Variants in RAD51C observed in about 807,000 individuals in gnomAD.
RAD51C encodes DNA repair protein RAD51 homolog 3.
A neutral mutation model predicts 45.0 loss-of-function variants in RAD51C; 42 were observed. The observed-to-expected ratio is 0.93, with a 90% CI of 0.73 to 1.21. RAD51C has a LOEUF of 1.21. RAD51C is among the 50% of genes most tolerant of loss of function. RAD51C has a pLI of 0.00. For synonymous variants in RAD51C, 172 were observed against 159.8 expected, an observed-to-expected ratio of 1.08 and a Z score of -0.58; for missense variants, 474 against 452.2, an observed-to-expected ratio of 1.05 and a Z score of -0.44.
intron 5 of RAD51C, among the ~76,000 whole-genome samples, chr17:58,719,828 A>G (rs76708174): frequency 0.15 from 21,866 of 148,200 alleles, 2,471 homozygotes; most frequent in East Asian, 0.32. Flanking sequence ...CCCCGGGTTC[A>G]CGCCATTCTC....
intron 4 of RAD51C, among the ~76,000 whole-genome samples, chr17:58,708,187 T>C (rs2048436554): frequency 6.6e-6 from 1 of 152,166 alleles, no homozygotes. Flanking sequence ...TGTAAACAAG[T>C]GTCCTTTTCA....
At chr17:58,716,428 T>G (rs1425579915) in intron 5 of RAD51C, among the ~76,000 whole-genome samples, 3 of 152,136 alleles carry the variant, frequency 2.0e-5, no homozygotes, top group African/African-American at 7.2e-5. Flanking sequence ...TAGCTAATAC[T>G]ACTGAGCTAC....
intron 7 of RAD51C, among the ~76,000 whole-genome samples, chr17:58,726,474 G>A (rs1478571771): frequency 4.9e-5 from 6 of 121,540 alleles, no homozygotes; most frequent in Non-Finnish European, 1.0e-4. Context: ...ATGTGTATAC[G>A]TATAGATGTA....
chr17:58,730,680 C>T (rs1208269089), intron 7 of RAD51C, among the ~76,000 whole-genome samples: 1 of 151,998 alleles, frequency 6.6e-6, no homozygotes, highest in African/African-American at 2.4e-5. Context: ...TCTTTGAAAA[C>T]AAATCATTCT....
chr17:58,707,521 G>GA (rs151116540), intron 4 of RAD51C, among the ~76,000 whole-genome samples: 510 of 128,548 alleles, frequency 4.0e-3, no homozygotes, highest in South Asian at 0.013. Context: ...GACTCCATCT[G>GA]AAAAAAAAAA....
rs765143155 is a variant in RAD51C at position 58,694,928 on chromosome 17, C to T, written c.146-3C>T. 5 of 1,610,648 alleles carry T rather than the reference C, an allele frequency of 3.1e-6. No individual in the cohort carries two copies. Among genetic ancestry groups the T allele is most frequent in the Middle Eastern group, 1.7e-4 (1 of 6,038 alleles). ...GGTTCTTTTTTTCTTATTTTACTTTCAGAAGTTGGGATATCTAAAGCAGAA... is the reference window on the plus strand; with the variant it reads ...GGTTCTTTTTTTCTTATTTTACTTTTAGAAGTTGGGATATCTAAAGCAGAA... On this transcript the variant is annotated splice_region_variant and splice_polypyrimidine_tract_variant and intron_variant, in intron 1 of 8. Coordinates refer to ENST00000337432, the MANE Select transcript of RAD51C (RefSeq NM_058216.3).
intron 7 of RAD51C, chr17:58,732,240 T>C (rs1428068102): frequency 5.0e-6 from 2 of 401,650 alleles, no homozygotes; most frequent in East Asian, 8.9e-5. Flanking sequence ...ATATGTAAAA[T>C]AATTTATTTG....
Position 58,708,703 on chromosome 17 carries a change from G to T in RAD51C, c.706-1156G>T, listed in dbSNP as rs537946895. Among the ~76,000 whole-genome samples the T allele has an allele frequency of 7.9e-5, 12 of 151,230 alleles. No individual in the cohort carries two copies. The South Asian group carries it at 1.3e-3, about 16-fold the overall frequency. On this transcript the variant is annotated intron_variant, in intron 4 of 8. Transcript: ENST00000337432. ...ACTTCACTGTTTATTTTTTGCTTTGGGGGGGGCTTTCTTTTGAAAGGGTTT... is the reference window on the plus strand; with the variant it reads ...ACTTCACTGTTTATTTTTTGCTTTGTGGGGGGCTTTCTTTTGAAAGGGTTT...
At chr17:58,696,259 C>T (rs879678936) in intron 2 of RAD51C, among the ~76,000 whole-genome samples, 3 of 151,904 alleles carry the variant, frequency 2.0e-5, no homozygotes. Context: ...GGTGAAACCC[C>T]GTTTCTACTA....
intron 6 of RAD51C, 86 bp downstream of exon 6, chr17:58,720,898 C>A: frequency 9.1e-7 from 1 of 1,100,278 alleles, no homozygotes; most frequent in Non-Finnish European, 1.4e-6. Flanking sequence ...CTATACGCTT[C>A]ATGAAAGCAG....
chr17:58,708,599 G>T (rs2048449368), intron 4 of RAD51C, among the ~76,000 whole-genome samples: 1 of 151,628 alleles, frequency 6.6e-6, no homozygotes, highest in African/African-American at 2.4e-5. Flanking sequence ...GGAGTCTTTT[G>T]TTTGTTTACA....
chr17:58,713,207 A>G (rs970112553), intron 5 of RAD51C, among the ~76,000 whole-genome samples: 3 of 152,172 alleles, frequency 2.0e-5, no homozygotes, highest in Non-Finnish European at 4.4e-5. Flanking sequence ...CACTTAATAT[A>G]TTGTGAACAT....
At position 58,709,922 on chromosome 17, in the gene RAD51C, C is replaced by G. The variant is rs750551012; in HGVS notation, c.769C>G (p.Leu257Val). The G allele has an allele frequency of 1.2e-5, 19 of 1,612,076 alleles. No individual in the cohort carries two copies. In the Admixed American group the frequency reaches 2.3e-4, roughly 20 times the overall value. The change falls in exon 5 of 9, where the codon CTT (leucine) becomes GTT (valine). Residue 257 changes from leucine to valine, a missense_variant. Leu to Val is a conservative substitution (Grantham distance 32, BLOSUM62 1). Coordinates refer to ENST00000337432, the MANE Select transcript of RAD51C (RefSeq NM_058216.3). Reference protein sequence around the residue: ...PFRHDLDDLSLRTRLLNGLAQ... With the variant: ...PFRHDLDDLSVRTRLLNGLAQ... ...TCGTCATGACCTAGATGACCTGTCT[C>G]TTCGTACTCGGTTATTAAATGGCCT...
intron 5 of RAD51C, among the ~76,000 whole-genome samples, chr17:58,718,097 A>G (rs867335117): frequency 2.8e-4 from 42 of 151,890 alleles, no homozygotes; most frequent in Middle Eastern, 3.4e-3. Flanking sequence ...CCTGGATTTC[A>G]GTGATTCTCC....
At position 58,732,505 on chromosome 17, in the gene RAD51C, A is replaced by T. The variant is rs876659303; in HGVS notation, c.987A>T (p.Ser329=). 1 of 1,613,428 alleles carries T rather than the reference A, an allele frequency of 6.2e-7. No homozygotes were observed. The highest frequency in any genetic ancestry group is 1.3e-5 in the African/African-American group (1 of 75,000). ...GCAGGTTGGCAACATTGTACAAGTC[A>T]CCCAGCCAGAAGGAATGCACAGTAC... ...RKQRLATLYK[S]PSQKECTVLF... is the part of the protein sequence containing the mutation. Residue 329 remains serine, a synonymous_variant, in exon 8 of 9, where the codon TCA becomes TCT. Transcript: ENST00000337432.
intron 3 of RAD51C, among the ~76,000 whole-genome samples, chr17:58,700,506 G>A (rs1036903957): frequency 8.6e-5 from 13 of 151,932 alleles, no homozygotes; most frequent in African/African-American, 2.4e-4. Context: ...GCAGTGGCGC[G>A]ATCTGGGCTC....
intron 6 of RAD51C, among the ~76,000 whole-genome samples, chr17:58,723,189 A>G (rs2048981537): frequency 6.6e-6 from 1 of 152,110 alleles, no homozygotes; most frequent in Non-Finnish European, 1.5e-5. Context: ...AGTTTGTCCA[A>G]ACCTGAGCCC....
rs1041650453 is a variant in RAD51C at position 58,719,843 on chromosome 17, C to G, written c.838-903C>G. On this transcript the variant is annotated intron_variant, in intron 5 of 8. Coordinates refer to ENST00000337432, the MANE Select transcript of RAD51C (RefSeq NM_058216.3). ...CCCCGGGTTCACGCCATTCTCCTGTCTCAGCCTCCTGAGCAACTGGGACTA... is the reference window on the plus strand; with the variant it reads ...CCCCGGGTTCACGCCATTCTCCTGTGTCAGCCTCCTGAGCAACTGGGACTA... Among the ~76,000 whole-genome samples the G allele has an allele frequency of 2.0e-5, 3 of 150,464 alleles. No individual in the cohort carries two copies. In the Admixed American group the frequency reaches 2.0e-4, roughly 10 times the overall value.
chr17:58,705,347 G>T (rs1050490786), intron 4 of RAD51C, among the ~76,000 whole-genome samples: 86 of 151,052 alleles, frequency 5.7e-4, no homozygotes, highest in Admixed American at 1.3e-3. Context: ...TTTTTTTTGG[G>T]GGGGGGGTGG....
Sources: gnomAD v4.1 joint callset for allele counts (sites outside exome capture counted in the v4.1 genomes callset) on GRCh38, gnomAD v4.1.1 for gene constraint, MANE v1.5 for transcripts, NCBI Gene and HGNC (gene_info 2026-07-23, HGNC 2026-07-21) for gene names.